SCD: variants seen among roughly 807,000 people sequenced by gnomAD.
SCD encodes the protein stearoyl-CoA desaturase, also known as acyl-CoA desaturase.
Under a neutral mutation model 35.7 loss-of-function variants are expected in SCD, and 4 were observed. That is an observed-to-expected ratio of 0.11 (90% confidence interval 0.06 to 0.26). SCD has a LOEUF of 0.26. Among genes scored for constraint, SCD ranks in the 10% least tolerant of loss-of-function variants. The pLI, the probability that SCD is intolerant of heterozygous loss-of-function variation, is 1.00. For missense variants in SCD, 282 were observed against 460.7 expected, an observed-to-expected ratio of 0.61 and a Z score of 3.55; for synonymous variants, 150 against 170.2, an observed-to-expected ratio of 0.88 and a Z score of 0.92.
chr10:100,359,305 A>C (rs1248383210), intron 5 of SCD, among the ~76,000 whole-genome samples: 2 of 151,120 alleles, frequency 1.3e-5, no homozygotes, highest in Non-Finnish European at 3.0e-5. Context: ...TTCTTGAATT[A>C]CCTCCCCCAC....
chr10:100,349,632 T>C (rs1272268133), intron 2 of SCD, among the ~76,000 whole-genome samples: 1 of 152,144 alleles, frequency 6.6e-6, no homozygotes, highest in Non-Finnish European at 1.5e-5. Context: ...TTTTTCTAGG[T>C]ACCACCTGTG....
At position 100,347,316 on chromosome 10, in the gene SCD, C is replaced by T. The variant is rs1849805713; in HGVS notation, c.-189C>T. ...ACCGGACACGGTCACCCGTTGCCAG[C>T]TCTAGCCTTTAAATTCCCGGCTCGG... is the stretch of plus-strand genomic sequence containing the variant. On this transcript the variant is annotated 5_prime_UTR_variant, in exon 1 of 6. Transcript: ENST00000370355. The T allele has an allele frequency of 2.9e-6, 2 of 687,034 alleles. No homozygotes were observed. The highest frequency in any genetic ancestry group is 2.2e-5 in the Admixed American group (1 of 46,464). The allele number at this position is 687,034 out of a possible 1,614,324, so 42.6% of individuals were successfully genotyped here.
chr10:100,362,157 G>A lies in SCD; in HGVS notation c.*1224G>A, dbSNP rs1164695440. 6.6e-6 allele frequency: 1 copy of A among 152,220 alleles called. No homozygotes were observed. Among genetic ancestry groups the A allele is most frequent in the East Asian group, 1.9e-4 (1 of 5,206 alleles). 9.4% of individuals were successfully genotyped at this position (152,220 alleles called of 1,614,324 possible). On this transcript the variant is annotated 3_prime_UTR_variant, in exon 6 of 6. Transcript: ENST00000370355. Reference sequence around the variant, plus strand: ...TCCACTGCTGGACATGAGATGGAGAGGCTGAGGGACAGGATCTATAGGCAG... The same window carrying A: ...TCCACTGCTGGACATGAGATGGAGAAGCTGAGGGACAGGATCTATAGGCAG...
In SCD at chr10:100,356,338, T is replaced by A. The variant is rs968075483; in HGVS notation, c.648-194T>A. On this transcript the variant is annotated intron_variant, in intron 4 of 5. Transcript: ENST00000370355. This position sits in a 1 kb window ranked among gnomAD's most constrained non-coding sequence, Gnocchi z 4.1. ...CTGTGGTGAACTAAGGTCACGCCAC[T>A]GCACTCCAGCCTTGGCAACAGAGTG... Among the ~76,000 whole-genome samples, 2 of 152,156 alleles carry A rather than the reference T, an allele frequency of 1.3e-5. No individual in the cohort carries two copies. The highest frequency in any genetic ancestry group is 2.9e-5 in the Non-Finnish European group (2 of 68,036).
Position 100,348,044 on chromosome 10 carries a change from C to T in SCD, c.28-20C>T. The T allele has an allele frequency of 6.2e-7, 1 of 1,609,714 alleles. No individual in the cohort carries two copies. Among genetic ancestry groups the T allele is most frequent in the Non-Finnish European group, 8.5e-7 (1 of 1,177,910 alleles). ...TCCACGTGTCTCTTCTCCTGACTCT[C>T]CTCTTCCTCCCCCTTCCAGATCTCT... On this transcript the variant is annotated intron_variant, in intron 1 of 5. Transcript: ENST00000370355.
Position 100,352,549 on chromosome 10 carries a change from G to C in SCD, c.441+53G>C. On this transcript the variant is annotated intron_variant, in intron 3 of 5. Coordinates refer to ENST00000370355, the MANE Select transcript of SCD (RefSeq NM_005063.5). This position sits in a 1 kb window ranked among gnomAD's most constrained non-coding sequence, Gnocchi z 4.2. ...TGTCCTCCACACTATTAATGATCCG[G>C]GGACAGAAAGGAGGGATCAGCACCA... The C allele has an allele frequency of 6.4e-7, 1 of 1,567,578 alleles. No homozygotes were observed. The highest frequency in any genetic ancestry group is 8.7e-7 in the Non-Finnish European group (1 of 1,146,822).
In SCD at chr10:100,356,050, T is replaced by C. The variant is rs2133595142; in HGVS notation, c.648-482T>C. Among the ~76,000 whole-genome samples, 1 of 152,322 alleles carries C rather than the reference T, an allele frequency of 6.6e-6. No individual in the cohort carries two copies. The highest frequency in any genetic ancestry group is 1.9e-4 in the East Asian group (1 of 5,182). On this transcript the variant is annotated intron_variant, in intron 4 of 5. Transcript: ENST00000370355. This position sits in a 1 kb window ranked among gnomAD's most constrained non-coding sequence, Gnocchi z 4.1. ...ATTAGTTTGTAGTTTGGACCTCACC[T>C]ATCTTACCAATGTGGTATTATGCTC...
At chr10:100,354,086 T>A (rs1199302758) in intron 3 of SCD, among the ~76,000 whole-genome samples, 1 of 152,258 alleles carries the variant, frequency 6.6e-6, no homozygotes, top group African/African-American at 2.4e-5. Flanking sequence ...CCCATGAGGA[T>A]CTTTTCCAAC....
intron 5 of SCD, among the ~76,000 whole-genome samples, chr10:100,358,703 G>A (rs1212171977): frequency 2.8e-5 from 4 of 145,138 alleles, no homozygotes; most frequent in Non-Finnish European, 6.0e-5. Context: ...GAGGTCAGGA[G>A]TTAGAGATCA....
chr10:100,350,118 GCAGATAAATGTGGCTCA>G (rs1179392285), intron 2 of SCD, among the ~76,000 whole-genome samples: 2 of 152,070 alleles, frequency 1.3e-5, no homozygotes, highest in Non-Finnish European at 2.9e-5. Flanking sequence ...GTGCCCTTGG[GCAGATAAATGTGGCTCA>G]CAGAGACTAG....
Position 100,347,574 on chromosome 10 carries a change from C to T in SCD, c.27+43C>T, listed in dbSNP as rs369987859. 34 of 1,611,552 alleles carry T rather than the reference C, an allele frequency of 2.1e-5. No individual in the cohort carries two copies. In the East Asian group the frequency reaches 5.6e-4, roughly 26 times the overall value. On this transcript the variant is annotated intron_variant, in intron 1 of 5. Coordinates refer to ENST00000370355, the MANE Select transcript of SCD (RefSeq NM_005063.5). Reference sequence around the variant, plus strand: ...GCCCCGTACCGCCGGGTCGCAGGCGCGGGCTGGGCTTCCAGGGGACGGGTT... The same window carrying T: ...GCCCCGTACCGCCGGGTCGCAGGCGTGGGCTGGGCTTCCAGGGGACGGGTT...
chr10:100,364,770 GCTAATTGTA>G lies in SCD; in HGVS notation c.*3843_*3851del, dbSNP rs1394553140. 5.2e-5 allele frequency: 8 copies of G among 152,610 alleles called. No homozygotes were observed. Among genetic ancestry groups the G allele is most frequent in the Non-Finnish European group, 1.0e-4 (7 of 68,046 alleles). 9.5% of individuals were successfully genotyped at this position (152,610 alleles called of 1,614,324 possible). A position where few individuals can be genotyped will look rare whatever the true frequency, so the allele number is the denominator to read the frequency against. ...AATTTCTATTAATATCAACTCTGAA[GCTAATTGTA>G]CTAATCTGAGATTGTGTTTGTTCAT... On this transcript the variant is annotated 3_prime_UTR_variant, in exon 6 of 6. Coordinates refer to ENST00000370355, the MANE Select transcript of SCD (RefSeq NM_005063.5).
At chr10:100,353,822 C>T (rs1849896964) in intron 3 of SCD, among the ~76,000 whole-genome samples, 1 of 152,168 alleles carries the variant, frequency 6.6e-6, no homozygotes, top group African/African-American at 2.4e-5. Flanking sequence ...CAAAGTTGTC[C>T]TGTGGAGCAA....
rs3750714 is a variant in SCD, at chr10:100,359,702, T to C, written c.881-1032T>C. On this transcript the variant is annotated intron_variant, in intron 5 of 5. Coordinates refer to ENST00000370355, the MANE Select transcript of SCD (RefSeq NM_005063.5). ...CTTGCCTTGCTTCTGATTAATGTCATGACTGGTCTGTCTGAGGGTACTGTT... is the reference window on the plus strand; with the variant it reads ...CTTGCCTTGCTTCTGATTAATGTCACGACTGGTCTGTCTGAGGGTACTGTT... Among the ~76,000 whole-genome samples the C allele has an allele frequency of 5.2e-3, 789 of 152,344 alleles. 20 individuals are homozygous for C. In the South Asian group the frequency reaches 0.069, roughly 13 times the overall value.
At position 100,354,517 on chromosome 10, in the gene SCD, T is replaced by G; in HGVS notation, c.532T>G (p.Phe178Val). The G allele has an allele frequency of 6.2e-7, 1 of 1,614,096 alleles. No homozygotes were observed. ...TCCTCATAATTCCCGACGTGGCTTT[T>G]TCTTCTCTCACGTGGGTTGGCTGCT... ...ADPHNSRRGFFFSHVGWLLVR... is the reference protein window; with the variant it reads ...ADPHNSRRGFVFSHVGWLLVR... The change falls in exon 4 of 6, where the codon TTC (phenylalanine) becomes GTC (valine). Residue 178 changes from phenylalanine to valine, a missense_variant. Transcript: ENST00000370355.
At chr10:100,358,154 C>G (rs1849948141) in intron 5 of SCD, among the ~76,000 whole-genome samples, 1 of 152,056 alleles carries the variant, frequency 6.6e-6, no homozygotes, top group Non-Finnish European at 1.5e-5. Flanking sequence ...TGCATGCCAC[C>G]ATGCTTGGCT....
Position 100,356,630 on chromosome 10 carries a change from C to A in SCD, c.746C>A (p.Ala249Asp), listed in dbSNP as rs754125501. The A allele has an allele frequency of 5.0e-6, 8 of 1,614,102 alleles. No homozygotes were observed. In the African/African-American group the frequency reaches 1.1e-4, roughly 22 times the overall value. ...ACTTTTCAAAACAGTGTGTTCGTTG[C>A]CACTTTCTTGCGATATGCTGTGGTG... is the stretch of plus-strand genomic sequence containing the variant. ...GETFQNSVFVATFLRYAVVLN... is the reference protein window; with the variant it reads ...GETFQNSVFVDTFLRYAVVLN... Residue 249 changes from alanine to aspartate, a missense_variant, in exon 5 of 6, where the codon GCC becomes GAC. Transcript: ENST00000370355. The surrounding 1 kb of genome is among the most constrained non-coding windows in gnomAD (Gnocchi z 4.1).
Position 100,352,979 on chromosome 10 carries a change from A to G in SCD, c.441+483A>G, listed in dbSNP as rs575814224. 3.0e-4 allele frequency among the ~76,000 whole-genome samples: 28 copies of G among 91,988 alleles called. No homozygotes were observed. Among genetic ancestry groups the G allele is most frequent in the African/African-American group, 1.7e-3 (24 of 14,012 alleles). The allele number at this position is 91,988 out of a possible 152,430, so 60.3% of individuals were successfully genotyped here. On this transcript the variant is annotated intron_variant, in intron 3 of 5. Transcript: ENST00000370355. The surrounding 1 kb of genome is among the most constrained non-coding windows in gnomAD (Gnocchi z 4.2). ...CTCCAGCCTGGGTGACAAGACCCCA[A>G]CTTTAAAAAAAAAATTTCAAAAGTG...
rs1849930225 is a variant in SCD, at chr10:100,356,553, G to A, written c.669G>A (p.Leu223=). 3 of 1,614,026 alleles carry A rather than the reference G, an allele frequency of 1.9e-6. No individual in the cohort carries two copies. In the East Asian group the frequency reaches 6.7e-5, roughly 36 times the overall value. Residue 223 remains leucine (L), a synonymous_variant, in exon 5 of 6, where the codon CTG becomes CTA. Coordinates refer to ENST00000370355, the MANE Select transcript of SCD (RefSeq NM_005063.5). This position sits in a 1 kb window ranked among gnomAD's most constrained non-coding sequence, Gnocchi z 4.1. ...FQRRYYKPGL[L]MMCFILPTLV... ...GTAGGTACTACAAACCTGGCTTGCT[G>A]ATGATGTGCTTCATCCTGCCCACGC...
Sources: gnomAD v4.1 joint callset for allele counts (sites outside exome capture counted in the v4.1 genomes callset) on GRCh38, gnomAD v4.1.1 for gene constraint, Gnocchi (gnomAD v3.1) non-coding constraint, MANE v1.5 for transcripts, NCBI Gene and HGNC (gene_info 2026-07-23, HGNC 2026-07-21) for gene names.